DSC1: variants seen among roughly 807,000 people sequenced by gnomAD.
The protein encoded by DSC1 is desmocollin-1.
A neutral mutation model predicts 98.8 loss-of-function variants in DSC1; 79 were observed. That is an observed-to-expected ratio of 0.80 (90% CI 0.67 to 0.96). DSC1 has a LOEUF of 0.96. Among genes scored for constraint, DSC1 ranks in the 50% least tolerant of loss-of-function variants. DSC1 has a pLI of 0.00. For missense variants in DSC1, 1,115 were observed against 1,075.9 expected (o/e 1.04, Z -0.51); for synonymous variants, 405 against 372.1 (o/e 1.09, Z -1.02).
At chr18:31,130,960 C>T (rs1598610894) in intron 15 of DSC1, 2 of 896,264 alleles carry the variant, frequency 2.2e-6, no homozygotes, top group Admixed American at 2.7e-5. Context: ...TCACGCAACA[C>T]ATTTATAATT....
In DSC1 at chr18:31,162,662, TAAG is replaced by T. The variant is rs1474392946; in HGVS notation, c.-71_-69del. On this transcript the variant is annotated 5_prime_UTR_variant, in exon 1 of 16. Transcript: ENST00000257198. ...GGCAGCCTGGGATGCACAGAGCGGC[TAAG>T]AAGACGCTGGCACTTGCACAGGGTA... 6.2e-6 allele frequency: 9 copies of T among 1,444,928 alleles called. No homozygotes were observed. Among genetic ancestry groups the T allele is most frequent in the Non-Finnish European group, 8.7e-6 (9 of 1,028,772 alleles). 89.5% of individuals were successfully genotyped at this position (1,444,928 alleles called of 1,614,324 possible).
rs746574734 is a variant in DSC1, at chr18:31,139,836, G to A, written c.1575C>T (p.Gly525=). The A allele has an allele frequency of 6.1e-5, 99 of 1,611,254 alleles. No individual in the cohort carries two copies. The highest frequency in any genetic ancestry group is 8.1e-5 in the Non-Finnish European group (95 of 1,179,118). Residue 525 remains glycine (G), a synonymous_variant, in exon 11 of 16, where the codon GGC becomes GGT. Coordinates refer to ENST00000257198, the MANE Select transcript of DSC1 (RefSeq NM_024421.2). ...CTAGTACTTTTAGAGTTCTCAAGTCGCCAGTGTGTTGATTAATTTCAAACC... is the reference window on the plus strand; with the variant it reads ...CTAGTACTTTTAGAGTTCTCAAGTCACCAGTGTGTTGATTAATTTCAAACC... ...DNWFEINQHT[G]DLRTLKVLDR...
intron 7 of DSC1, among the ~76,000 whole-genome samples, chr18:31,144,371 C>T (rs1988798428): frequency 6.6e-6 from 1 of 152,090 alleles, no homozygotes; most frequent in Admixed American, 6.5e-5. Flanking sequence ...CCAAGATGTC[C>T]TTCAGTAGGT....
chr18:31,144,356 A>G (rs1466250655), intron 7 of DSC1, among the ~76,000 whole-genome samples: 3 of 152,250 alleles, frequency 2.0e-5, no homozygotes, highest in Non-Finnish European at 4.4e-5. Context: ...AAAACTTGAA[A>G]ACAACCAAGA....
chr18:31,149,123 A>T (rs1021187771), intron 5 of DSC1, among the ~76,000 whole-genome samples: 3 of 152,198 alleles, frequency 2.0e-5, no homozygotes, highest in African/African-American at 7.2e-5. Flanking sequence ...TAAAAATGTT[A>T]ATAAAAGCAT....
rs1988494959 is a variant in DSC1, at chr18:31,131,724, C to A, written c.2357G>T (p.Gly786Val). 2 of 1,614,096 alleles carry A rather than the reference C, an allele frequency of 1.2e-6. No individual in the cohort carries two copies. The highest frequency in any genetic ancestry group is 2.2e-5 in the East Asian group (1 of 44,870). The part of the protein sequence containing the change: ...TQQSFEMVKG[G>V]YTLDSNKGGG... Reference sequence around the variant, plus strand: ...TCCTTTGTTGGAATCCAAAGTGTAGCCTCCTTTGACCATCTCAAAACTTTG... The same window carrying A: ...TCCTTTGTTGGAATCCAAAGTGTAGACTCCTTTGACCATCTCAAAACTTTG... Residue 786 changes from glycine (G) to valine (V), a missense_variant, in exon 15 of 16, where the codon GGC becomes GTC. Coordinates refer to ENST00000257198, the MANE Select transcript of DSC1 (RefSeq NM_024421.2).
intron 3 of DSC1, among the ~76,000 whole-genome samples, chr18:31,157,088 A>G (rs1318519885): frequency 6.6e-6 from 1 of 152,150 alleles, no homozygotes; most frequent in Non-Finnish European, 1.5e-5. Flanking sequence ...CTTGCTCCTC[A>G]GGTTGGTTTG....
In DSC1 at chr18:31,147,077, A is replaced by G. The variant is rs555163453; in HGVS notation, c.773-1300T>C. 4.6e-5 allele frequency among the ~76,000 whole-genome samples: 7 copies of G among 152,326 alleles called. No individual in the cohort carries two copies. In the South Asian group the frequency reaches 1.4e-3, roughly 32 times the overall value. On this transcript the variant is annotated intron_variant, in intron 6 of 15. Transcript: ENST00000257198. Reference sequence around the variant, plus strand: ...AACTGTTCTTGCAACATTTTAAAACAAAGTAGTCAGTCTTGTTATACCCCT... The same window carrying G: ...AACTGTTCTTGCAACATTTTAAAACGAAGTAGTCAGTCTTGTTATACCCCT...
At chr18:31,161,843 T>C (rs1035829291) in intron 1 of DSC1, among the ~76,000 whole-genome samples, 1 of 152,158 alleles carries the variant, frequency 6.6e-6, no homozygotes, top group African/African-American at 2.4e-5. Flanking sequence ...TCTAAAAATA[T>C]ATTTTGAAAC....
chr18:31,145,195 G>C (rs1431169909), intron 7 of DSC1, among the ~76,000 whole-genome samples: 1 of 152,044 alleles, frequency 6.6e-6, no homozygotes, highest in Non-Finnish European at 1.5e-5. Flanking sequence ...GCCCGCCTCA[G>C]GCTCCCAAAG....
intron 14 of DSC1, chr18:31,132,336 G>C (rs1448168438): frequency 1.3e-5 from 6 of 449,160 alleles, no homozygotes; most frequent in African/African-American, 1.0e-4. Flanking sequence ...CTAGTCTCCA[G>C]ATCTGTGAAA....
chr18:31,149,055 A>G (rs553667846), intron 5 of DSC1, among the ~76,000 whole-genome samples: 1 of 152,318 alleles, frequency 6.6e-6, no homozygotes, highest in Admixed American at 6.5e-5. Flanking sequence ...GAACTCAATT[A>G]TATGTTTTTT....
chr18:31,155,261 C>T (rs997024884), intron 4 of DSC1, among the ~76,000 whole-genome samples: 1 of 152,052 alleles, frequency 6.6e-6, no homozygotes, highest in Admixed American at 6.5e-5. Context: ...ATTTTGAATT[C>T]TTTGGAATTG....
At chr18:31,159,593 C>G (rs978805392) in intron 1 of DSC1, 64 bp from the exon 2 acceptor site, 1 of 1,416,082 alleles carries the variant, frequency 7.1e-7, no homozygotes, top group Non-Finnish European at 9.5e-7. Flanking sequence ...CACATTGTAG[C>G]TTTTTCTTAT....
At position 31,130,701 on chromosome 18, in the gene DSC1, A is replaced by G; in HGVS notation, c.2498T>C (p.Leu833Ser). 6.2e-7 allele frequency: 1 copy of G among 1,614,066 alleles called. No homozygotes were observed. The highest frequency in any genetic ancestry group is 8.5e-7 in the Non-Finnish European group (1 of 1,179,980). Reference sequence around the variant, plus strand: ...TTTATGCTCCTCATCTTGTCCACACAAATACACCTTCTGTATCAAAAAAGA... The same window carrying G: ...TTTATGCTCCTCATCTTGTCCACACGAATACACCTTCTGTATCAAAAAAGA... ...TQPRLGEKVY[L>S]CGQDEEHKHC... The change falls in exon 16 of 16, where the codon TTG becomes TCG. Residue 833 changes from leucine to serine, a missense_variant. Transcript: ENST00000257198.
At chr18:31,156,275 T>C (rs1314916352) in intron 3 of DSC1, 113 bp from the exon 4 acceptor site, 8 of 1,296,798 alleles carry the variant, frequency 6.2e-6, no homozygotes, top group Non-Finnish European at 8.5e-6. Context: ...TACAATATCA[T>C]GGCTAGTCAG....
In DSC1 at chr18:31,142,140, T is replaced by C. The variant is rs2577074; in HGVS notation, c.1119A>G (p.Leu373=). The change falls in exon 9 of 16, where the codon TTA becomes TTG. Residue 373 remains leucine (L), a synonymous_variant. Transcript: ENST00000257198. ...AATCCTGATCCTGTACCTTCATTCG[T>C]AAAATCTCCACGTCAATTCTGTTTT... ...VEENRIDVEI[L]RMKVQDQDLP... is the part of the protein sequence containing the mutation. 0.22 allele frequency: 353,252 copies of C among 1,611,454 alleles called. 45,443 individuals are homozygous for C. Among genetic ancestry groups the C allele is most frequent in the East Asian group, 0.58 (25,784 of 44,690 alleles).
intron 11 of DSC1, among the ~76,000 whole-genome samples, chr18:31,137,469 A>G (rs1988635864): frequency 6.6e-6 from 1 of 152,170 alleles, no homozygotes. Context: ...TAGGACTCTC[A>G]AACAACAAAG....
chr18:31,145,766 C>T lies in DSC1; in HGVS notation c.784G>A (p.Gly262Arg). Residue 262 changes from glycine to arginine, a missense_variant, in exon 7 of 16, where the codon GGA becomes AGA. Gly to Arg is a moderately radical substitution (Grantham distance 125, BLOSUM62 -2). Coordinates refer to ENST00000257198, the MANE Select transcript of DSC1 (RefSeq NM_024421.2). ...TCAAGGTCTGTGGCGGTCACTTTTC[C>T]CACTGAAGTTCCTGTTTAGATAAAT... ...PENCRSGTSV[G>R]KVTATDLDEP... is the part of the protein sequence containing the mutation. 6.2e-7 allele frequency: 1 copy of T among 1,613,102 alleles called. No homozygotes were observed.
Sources: gnomAD v4.1 joint callset for allele counts (sites outside exome capture counted in the v4.1 genomes callset) on GRCh38, gnomAD v4.1.1 for gene constraint, MANE v1.5 for transcripts, NCBI Gene and HGNC (gene_info 2026-07-23, HGNC 2026-07-21) for gene names.